DHRS3: variants seen among roughly 807,000 people sequenced by gnomAD.
The protein encoded by DHRS3 is short-chain dehydrogenase/reductase 3.
Under a neutral mutation model 27.2 loss-of-function variants are expected in DHRS3, and 14 were observed. That is an observed-to-expected ratio of 0.52 (90% CI 0.34 to 0.81). DHRS3 has a LOEUF of 0.81. Ranked by LOEUF, DHRS3 falls within the 30% of genes least tolerant of loss-of-function variation. The pLI is 0.01. For missense variants in DHRS3, 322 were observed against 406.2 expected (o/e 0.79, Z 1.78); for synonymous variants, 165 against 175.9 (o/e 0.94, Z 0.49).
Position 12,578,412 on chromosome 1 carries a change from G to C in DHRS3, c.698+306C>G, listed in dbSNP as rs1646610443. 6.6e-6 allele frequency among the ~76,000 whole-genome samples: 1 copy of C among 152,222 alleles called. No individual in the cohort carries two copies. Among genetic ancestry groups the C allele is most frequent in the Admixed American group, 6.5e-5 (1 of 15,284 alleles). ...TGCAGCCTCAACTTCCTGGGCTCAA[G>C]CAATTGATCCTCCCACCTCAGCCTC... On this transcript the variant is annotated intron_variant, in intron 4 of 5. Transcript: ENST00000616661. This position sits in a 1 kb window ranked among gnomAD's most constrained non-coding sequence, Gnocchi z 4.5.
rs199667326 is a variant in DHRS3 at position 12,579,420 on chromosome 1, C to T, written c.340-8G>A. On this transcript the variant is annotated splice_polypyrimidine_tract_variant and splice_region_variant and intron_variant, in intron 2 of 5. Transcript: ENST00000616661. ...GATGGTGATGTCACCCACCTGCAGG[C>T]GAGAGGGAGCCACGGGGCCATGAGG... The T allele has an allele frequency of 4.8e-5, 78 of 1,613,206 alleles. No homozygotes were observed. The highest frequency in any genetic ancestry group is 3.4e-4 in the South Asian group (31 of 91,020).
chr1:12,613,991 G>A (rs938317995), intron 1 of DHRS3, among the ~76,000 whole-genome samples: 2 of 151,864 alleles, frequency 1.3e-5, no homozygotes, highest in South Asian at 2.1e-4. Flanking sequence ...GGCTGGTCTC[G>A]AACTCCTGAC....
In DHRS3 at chr1:12,587,141, CT is replaced by C. The variant is rs564825355; in HGVS notation, c.196-6476del. ...TGAATAAGATAATCTCAACTCTAAACTTTTTTTTTTTTTTTTTTTGAGACAG... is the reference window on the plus strand; with the variant it reads ...TGAATAAGATAATCTCAACTCTAAACTTTTTTTTTTTTTTTTTTGAGACAG... On this transcript the variant is annotated intron_variant, in intron 1 of 5. Coordinates refer to ENST00000616661, the MANE Select transcript of DHRS3 (RefSeq NM_004753.7). Among the ~76,000 whole-genome samples the C allele has an allele frequency of 4.1e-3, 545 of 132,286 alleles. 1 individual carries two copies. The highest frequency in any genetic ancestry group is 7.5e-3 in the African/African-American group (258 of 34,538). The allele number at this position is 132,286 out of a possible 152,430, so 86.8% of individuals were successfully genotyped here.
At chr1:12,607,713 G>T (rs1428113763) in intron 1 of DHRS3, among the ~76,000 whole-genome samples, 1 of 152,208 alleles carries the variant, frequency 6.6e-6, no homozygotes, top group African/African-American at 2.4e-5. Context: ...AAAAAAGACT[G>T]TATTGACATG....
rs1646694539 is a variant in DHRS3, at chr1:12,586,047, T to C, written c.196-5381A>G. 6.6e-6 allele frequency among the ~76,000 whole-genome samples: 1 copy of C among 151,954 alleles called. No individual in the cohort carries two copies. Among genetic ancestry groups the C allele is most frequent in the Non-Finnish European group, 1.5e-5 (1 of 67,972 alleles). On this transcript the variant is annotated intron_variant, in intron 1 of 5. Coordinates refer to ENST00000616661, the MANE Select transcript of DHRS3 (RefSeq NM_004753.7). This position sits in a 1 kb window ranked among gnomAD's most constrained non-coding sequence, Gnocchi z 5.0. ...CCATCTGGGGCAAATGGTGAGCTTC[T>C]GTCCCCTTCTCTCTCCCAGTGACTG... is the stretch of plus-strand genomic sequence containing the variant.
At chr1:12,615,964 C>T (rs773243011) in intron 1 of DHRS3, among the ~76,000 whole-genome samples, 19 of 152,178 alleles carry the variant, frequency 1.2e-4, no homozygotes, top group Non-Finnish European at 2.4e-4. Context: ...CCGGCCAGCC[C>T]GGCTAGGGAA....
chr1:12,605,097 A>AAGG (rs1646861428), intron 1 of DHRS3, among the ~76,000 whole-genome samples: 1 of 150,668 alleles, frequency 6.6e-6, no homozygotes, highest in African/African-American at 2.4e-5. Context: ...AAAAAAAAAA[A>AAGG]GGTCAAGGAA....
rs1055757558 is a variant in DHRS3 at position 12,594,237 on chromosome 1, C to T, written c.196-13571G>A. 2.6e-5 allele frequency among the ~76,000 whole-genome samples: 4 copies of T among 152,212 alleles called. No homozygotes were observed. Among genetic ancestry groups the T allele is most frequent in the South Asian group, 4.1e-4 (2 of 4,828 alleles). On this transcript the variant is annotated intron_variant, in intron 1 of 5. Coordinates refer to ENST00000616661, the MANE Select transcript of DHRS3 (RefSeq NM_004753.7). The surrounding 1 kb of genome is among the most constrained non-coding windows in gnomAD (Gnocchi z 4.1). ...CTACTAGAAGTTTCAAAGCAAGGCT[C>T]GGACTCCAAAGGGAAGCTCTTTTAA...
In DHRS3 at chr1:12,599,459, G is replaced by A. The variant is rs139473989; in HGVS notation, c.195+17695C>T. On this transcript the variant is annotated intron_variant, in intron 1 of 5. Transcript: ENST00000616661. Reference sequence around the variant, plus strand: ...GAATTCTGTGGAAAATCAGGCTTCCGTCACCTTCCAGTAATGTGGGCTGGT... The same window carrying A: ...GAATTCTGTGGAAAATCAGGCTTCCATCACCTTCCAGTAATGTGGGCTGGT... 3.1e-4 allele frequency among the ~76,000 whole-genome samples: 47 copies of A among 152,350 alleles called. No individual in the cohort carries two copies. In the East Asian group the frequency reaches 8.5e-3, roughly 27 times the overall value.
At position 12,578,938 on chromosome 1, in the gene DHRS3, G is replaced by A. The variant is rs781205046; in HGVS notation, c.478C>T (p.Pro160Ser). The A allele has an allele frequency of 6.2e-7, 1 of 1,612,856 alleles. No homozygotes were observed. The highest frequency in any genetic ancestry group is 2.2e-5 in the East Asian group (1 of 44,882). ...GQFWTTKAFLPRMLELQNGHI... is the reference protein window; with the variant it reads ...GQFWTTKAFLSRMLELQNGHI... ...CCATTCTGCAGCTCCAGCATACGCG[G>A]CAGGAAGGCCTTGGTGGTCTGAGGG... Residue 160 changes from proline (P) to serine (S), a missense_variant, in exon 4 of 6, where the codon CCG (proline) becomes TCG (serine). Transcript: ENST00000616661. The surrounding 1 kb of genome is among the most constrained non-coding windows in gnomAD (Gnocchi z 4.5).
At chr1:12,579,770 G>A (rs1256127230) in intron 2 of DHRS3, 1 of 221,226 alleles carries the variant, frequency 4.5e-6, no homozygotes, top group Non-Finnish European at 9.1e-6. Flanking sequence ...ACCGCACCCG[G>A]TCCAATATAC....
At chr1:12,604,359 C>T (rs1308106086) in intron 1 of DHRS3, among the ~76,000 whole-genome samples, 1 of 152,218 alleles carries the variant, frequency 6.6e-6, no homozygotes, top group Non-Finnish European at 1.5e-5. Context: ...TTCAACTGTG[C>T]TATTACCCTG....
At position 12,608,491 on chromosome 1, in the gene DHRS3, CT is replaced by C. The variant is rs1466092275; in HGVS notation, c.195+8662del. Among the ~76,000 whole-genome samples, 14 of 152,134 alleles carry C rather than the reference CT, an allele frequency of 9.2e-5. No homozygotes were observed. Among genetic ancestry groups the C allele is most frequent in the Non-Finnish European group, 1.9e-4 (13 of 68,022 alleles). ...GCTGGAGGATCCTGCTGAAGTCATG[CT>C]GAGAAGGGCTGCCTTCTTTTAATTT... On this transcript the variant is annotated intron_variant, in intron 1 of 5. Coordinates refer to ENST00000616661, the MANE Select transcript of DHRS3 (RefSeq NM_004753.7). The surrounding 1 kb of genome is among the most constrained non-coding windows in gnomAD (Gnocchi z 4.1).
chr1:12,587,402 C>T (rs753058233), intron 1 of DHRS3, among the ~76,000 whole-genome samples: 4 of 152,204 alleles, frequency 2.6e-5, no homozygotes, highest in Non-Finnish European at 5.9e-5. Context: ...CCTCAGCCTC[C>T]CAAAGTGCTG....
At chr1:12,589,340 T>G (rs1006563332) in intron 1 of DHRS3, among the ~76,000 whole-genome samples, 11 of 152,102 alleles carry the variant, frequency 7.2e-5, no homozygotes, top group Non-Finnish European at 1.6e-4. Flanking sequence ...GATCTTAACC[T>G]CTATGAATTA....
chr1:12,583,249 C>T (rs1646660878), intron 1 of DHRS3, among the ~76,000 whole-genome samples: 1 of 150,804 alleles, frequency 6.6e-6, no homozygotes, highest in South Asian at 2.1e-4. Flanking sequence ...ACCCACTCAC[C>T]TACCCAACTC....
chr1:12,580,997 A>G (rs74476986), intron 1 of DHRS3, among the ~76,000 whole-genome samples: 1 of 151,622 alleles, frequency 6.6e-6, no homozygotes, highest in Non-Finnish European at 1.5e-5. Flanking sequence ...TAATTTTTTT[A>G]AAAAAAATTT....
intron 4 of DHRS3, among the ~76,000 whole-genome samples, chr1:12,577,917 C>T (rs185962730): frequency 2.0e-5 from 3 of 152,278 alleles, no homozygotes; most frequent in Non-Finnish European, 1.5e-5. Flanking sequence ...TTAACTTTCA[C>T]GTATTTAATG....
intron 1 of DHRS3, among the ~76,000 whole-genome samples, chr1:12,605,181 T>A (rs1409011096): frequency 1.3e-5 from 2 of 151,798 alleles, no homozygotes; most frequent in African/African-American, 2.4e-5. Flanking sequence ...GTCACACACA[T>A]TGTCACAGTC....
Sources: gnomAD v4.1 joint callset for allele counts (sites outside exome capture counted in the v4.1 genomes callset) on GRCh38, gnomAD v4.1.1 for gene constraint, Gnocchi (gnomAD v3.1) non-coding constraint, MANE v1.5 for transcripts, NCBI Gene and HGNC (gene_info 2026-07-23, HGNC 2026-07-21) for gene names.